The following STARD9 variants were observed in gnomAD, a reference collection of about 807,000 sequenced individuals.
STARD9 encodes the protein StAR related lipid transfer domain containing 9.
A neutral mutation model predicts 399.8 loss-of-function variants in STARD9; 346 were observed. That is an observed-to-expected ratio of 0.87 (90% CI 0.79 to 0.95). The LOEUF is 0.95. STARD9 is among the 40% of genes least tolerant of loss of function. The pLI is 0.00. For missense variants in STARD9, 5,832 were observed against 5,667.5 expected (o/e 1.03, Z -0.93); for synonymous variants, 2,203 against 2,143.5 (o/e 1.03, Z -0.77).
At chr15:42,609,391 T>G (rs935155540) in intron 3 of STARD9, among the ~76,000 whole-genome samples, 1 of 152,116 alleles carries the variant, frequency 6.6e-6, no homozygotes, top group African/African-American at 2.4e-5. Context: ...AAAAGATTCT[T>G]TAGTAGATCT....
chr15:42,576,136 ACT>A (rs1172165038), intron 1 of STARD9, among the ~76,000 whole-genome samples: 3 of 152,056 alleles, frequency 2.0e-5, no homozygotes, highest in Admixed American at 6.5e-5. Flanking sequence ...ACCCATGAGG[ACT>A]GAGGCTGAAT....
intron 9 of STARD9, among the ~76,000 whole-genome samples, chr15:42,653,806 A>G (rs571929295): frequency 6.6e-6 from 1 of 152,310 alleles, no homozygotes; most frequent in Admixed American, 6.5e-5. Flanking sequence ...TGTGTGAGTA[A>G]ATATAAAAAA....
chr15:42,578,300 G>T (rs144084975), intron 1 of STARD9, among the ~76,000 whole-genome samples: 3,206 of 151,972 alleles, frequency 0.021, 129 homozygotes, highest in African/African-American at 0.074. Flanking sequence ...TAGTAGAGAC[G>T]GGGTTTCACC....
At chr15:42,577,697 C>T (rs550629134) in intron 1 of STARD9, among the ~76,000 whole-genome samples, 31 of 152,278 alleles carry the variant, frequency 2.0e-4, no homozygotes, top group African/African-American at 7.5e-4. Flanking sequence ...ACAGATAAAC[C>T]CAGTGTGGCC....
In STARD9 at chr15:42,685,812, G is replaced by T; in HGVS notation, c.4234G>T (p.Glu1412Ter). 6.5e-7 allele frequency: 1 copy of T among 1,537,186 alleles called. No individual in the cohort carries two copies. Among genetic ancestry groups the T allele is most frequent in the Non-Finnish European group, 8.7e-7 (1 of 1,146,948 alleles). The part of the protein sequence containing the change: ...STELLCSARD[E>*]HTASAADTSR... ...TGAGCTCCTCTGCAGTGCAAGAGAT[G>T]AGCACACAGCCTCTGCTGCTGATAC... Residue 1412 changes from glutamate to a stop codon, truncating the protein, a stop_gained, in exon 23 of 33, where the codon GAG becomes TAG. Coordinates refer to ENST00000290607, the MANE Select transcript of STARD9 (RefSeq NM_020759.3). LOFTEE classifies it high-confidence loss of function.
Position 42,651,013 on chromosome 15 carries a change from T to A in STARD9, c.560-3T>A, listed in dbSNP as rs1273972102. On this transcript the variant is annotated splice_polypyrimidine_tract_variant and splice_region_variant and intron_variant, in intron 7 of 32. Coordinates refer to ENST00000290607, the MANE Select transcript of STARD9 (RefSeq NM_020759.3). ...TCTTTTTTCCGTTTCACAAATCCGA[T>A]AGGTTTATCTCAACATGTAGTTACC... The A allele has an allele frequency of 2.2e-5, 34 of 1,513,060 alleles. No homozygotes were observed. The highest frequency in any genetic ancestry group is 2.8e-5 in the Non-Finnish European group (32 of 1,131,772). 93.7% of individuals were successfully genotyped at this position (1,513,060 alleles called of 1,614,324 possible). A position where few individuals can be genotyped will look rare whatever the true frequency, so the allele number is the denominator to read the frequency against.
At chr15:42,616,407 G>A (rs1009462431) in intron 3 of STARD9, among the ~76,000 whole-genome samples, 1 of 152,252 alleles carries the variant, frequency 6.6e-6, no homozygotes, top group Admixed American at 6.5e-5. Context: ...ACAACGGAAA[G>A]TAAGGAACCT....
chr15:42,675,572 A>G, intron 18 of STARD9, 92 bp from the exon 19 acceptor site: 1 of 956,802 alleles, frequency 1.0e-6, no homozygotes, highest in Non-Finnish European at 1.6e-6. Flanking sequence ...TATCGAGGGC[A>G]TGACTTTGTC....
intron 3 of STARD9, chr15:42,629,740 T>A (rs778291307): frequency 2.0e-5 from 3 of 152,236 alleles, no homozygotes; most frequent in Non-Finnish European, 4.4e-5. Context: ...TGATACTAGC[T>A]GTGGATCCCT....
At chr15:42,717,883 A>T (rs2061378863) in intron 29 of STARD9, 88 bp downstream of exon 29, 18 of 1,500,360 alleles carry the variant, frequency 1.2e-5, no homozygotes, top group Non-Finnish European at 1.6e-5. Context: ...CCTTACCTGG[A>T]TTCCTCAAGT....
At chr15:42,705,886 G>T (rs911603960) in intron 26 of STARD9, among the ~76,000 whole-genome samples, 6 of 152,178 alleles carry the variant, frequency 3.9e-5, no homozygotes, top group African/African-American at 1.4e-4. Flanking sequence ...CTGAGTAGCT[G>T]GGATTACAGG....
At chr15:42,575,895 A>T in intron 1 of STARD9, 133 bp downstream of exon 1, 1 of 983,340 alleles carries the variant, frequency 1.0e-6, no homozygotes, top group Non-Finnish European at 1.5e-6. Context: ...GGGGTCCGGA[A>T]TCCACGGAGG....
intron 9 of STARD9, among the ~76,000 whole-genome samples, chr15:42,658,470 C>G (rs1194332815): frequency 6.7e-6 from 1 of 148,300 alleles, no homozygotes; most frequent in Non-Finnish European, 1.5e-5. Flanking sequence ...CCCACCATGC[C>G]TGGCCTTTTG....
intron 3 of STARD9, among the ~76,000 whole-genome samples, chr15:42,624,571 CAG>C (rs1366127235): frequency 6.7e-6 from 1 of 149,036 alleles, no homozygotes. Flanking sequence ...TTTTTTGAGA[CAG>C]AGTCTCCCTC....
At position 42,688,026 on chromosome 15, in the gene STARD9, A is replaced by G; in HGVS notation, c.6448A>G (p.Asn2150Asp). 1.3e-6 allele frequency: 2 copies of G among 1,537,474 alleles called. No homozygotes were observed. The highest frequency in any genetic ancestry group is 2.0e-5 in the Admixed American group (1 of 51,006). ...TCCCCAGGTCCAGAAAATCACCCCA[A>G]ACCCCTTCAGGTCAAGGGAAGGTGT... The part of the protein sequence containing the change: ...NHPQVQKITP[N>D]PFRSREGVRE... The change falls in exon 23 of 33, where the codon AAC becomes GAC. Residue 2150 changes from asparagine to aspartate, a missense_variant. Around this residue, in one of 2 missense-constraint regions of STARD9, gnomAD observed 5,828 missense variants for 5,651.1 expected, o/e 1.03. Transcript: ENST00000290607.
At chr15:42,663,619 G>A in intron 12 of STARD9, 129 bp downstream of exon 12, 2 of 615,728 alleles carry the variant, frequency 3.2e-6, no homozygotes, top group Non-Finnish European at 5.7e-6. Flanking sequence ...CTCAGAGAAA[G>A]GGCCATGGCC....
intron 3 of STARD9, among the ~76,000 whole-genome samples, chr15:42,620,495 T>C (rs2059067921): frequency 1.3e-5 from 2 of 151,990 alleles, no homozygotes; most frequent in Admixed American, 6.6e-5. Flanking sequence ...AAAAAAATTT[T>C]CAGGAAATTA....
chr15:42,688,902 C>T lies in STARD9; in HGVS notation c.7324C>T (p.Pro2442Ser), dbSNP rs1428925251. 3 of 1,537,286 alleles carry T rather than the reference C, an allele frequency of 2.0e-6. No individual in the cohort carries two copies. The highest frequency in any genetic ancestry group is 2.0e-5 in the Admixed American group (1 of 50,988). The change falls in exon 23 of 33, where the codon CCC (proline) becomes TCC (serine). Residue 2442 changes from proline to serine, a missense_variant. Around this residue, in one of 2 missense-constraint regions of STARD9, gnomAD observed 5,828 missense variants for 5,651.1 expected, o/e 1.03. Coordinates refer to ENST00000290607, the MANE Select transcript of STARD9 (RefSeq NM_020759.3). ...TEDRISASTS[P>S]QDHGKDLRIT... ...GGACAGGATCTCAGCAAGCACCAGC[C>T]CCCAAGACCATGGAAAGGACCTCAG...
chr15:42,628,896 G>A (rs1432823426), intron 3 of STARD9, among the ~76,000 whole-genome samples: 1 of 152,098 alleles, frequency 6.6e-6, no homozygotes, highest in African/African-American at 2.4e-5. Flanking sequence ...GCTCAGGATG[G>A]CTTTGGCTAT....
Sources: allele counts gnomAD v4.1 joint callset (sites outside exome capture counted in the v4.1 genomes callset), GRCh38; gene constraint gnomAD v4.1.1; regional missense constraint gnomAD v4.1.1; transcripts MANE v1.5; gene names NCBI Gene and HGNC (gene_info 2026-07-23, HGNC 2026-07-21).